The following ACADL variants were observed in gnomAD, a reference collection of about 807,000 sequenced individuals.
The protein encoded by ACADL is acyl-CoA dehydrogenase long chain.
A neutral mutation model predicts 56.9 loss-of-function variants in ACADL; 60 were observed. The observed-to-expected ratio is 1.05, with a 90% CI of 0.86 to 1.31. The LOEUF is 1.31. Ranked by LOEUF, ACADL falls within the 50% of genes most tolerant of loss-of-function variation. The pLI is 0.00. For missense variants in ACADL, 484 were observed against 525.5 expected, an observed-to-expected ratio of 0.92 and a Z score of 0.77; for synonymous variants, 158 against 179.7, an observed-to-expected ratio of 0.88 and a Z score of 0.97.
intron 5 of ACADL, among the ~76,000 whole-genome samples, chr2:210,208,592 T>C (rs1265317298): frequency 6.6e-6 from 1 of 152,170 alleles, no homozygotes; most frequent in East Asian, 1.9e-4. Flanking sequence ...TTGCAGATAT[T>C]GTATAGAGAA....
intron 2 of ACADL, among the ~76,000 whole-genome samples, chr2:210,219,059 T>C (rs1191191396): frequency 6.6e-6 from 1 of 152,180 alleles, no homozygotes; most frequent in Non-Finnish European, 1.5e-5. Flanking sequence ...TAGTGAGATA[T>C]GGGGTATTTG....
intron 9 of ACADL, among the ~76,000 whole-genome samples, chr2:210,193,476 C>T (rs1688667275): frequency 6.6e-6 from 1 of 151,914 alleles, no homozygotes; most frequent in African/African-American, 2.4e-5. Context: ...GATTATTATT[C>T]CTGAAGTGTA....
intron 3 of ACADL, chr2:210,216,750 T>C: frequency 2.2e-6 from 1 of 449,580 alleles, no homozygotes; most frequent in South Asian, 2.2e-5. Flanking sequence ...AGAGATAAAA[T>C]ATTTTAAAAT....
rs765485304 is a variant in ACADL at position 210,225,145 on chromosome 2, G to A, written c.77+42C>T. 1.2e-5 allele frequency: 18 copies of A among 1,527,540 alleles called. No individual in the cohort carries two copies. In the Admixed American group the frequency reaches 3.4e-4, roughly 28 times the overall value. 94.6% of individuals were successfully genotyped at this position (1,527,540 alleles called of 1,614,324 possible). Reference sequence around the variant, plus strand: ...GAGTGACTCGCTGCCCCACCCCACAGCCTCCCGGCCTGCAGCCGCGGAAGT... The same window carrying A: ...GAGTGACTCGCTGCCCCACCCCACAACCTCCCGGCCTGCAGCCGCGGAAGT... On this transcript the variant is annotated intron_variant, in intron 1 of 10. Transcript: ENST00000233710.
intron 3 of ACADL, 75 bp from the exon 4 acceptor site, chr2:210,216,586 A>C: frequency 7.3e-7 from 1 of 1,378,910 alleles, no homozygotes; most frequent in Non-Finnish European, 1.0e-6. Context: ...ACAATGTATT[A>C]AGGTCCTATC....
chr2:210,204,440 C>T, intron 7 of ACADL, 141 bp downstream of exon 7: 1 of 669,450 alleles, frequency 1.5e-6, no homozygotes, highest in South Asian at 1.7e-5. Flanking sequence ...TTTATTACAA[C>T]TTTAATACTC....
chr2:210,191,190 G>A (rs1688627887), intron 10 of ACADL, among the ~76,000 whole-genome samples: 1 of 152,176 alleles, frequency 6.6e-6, no homozygotes, highest in African/African-American at 2.4e-5. Context: ...TGGGATTACA[G>A]GAGTGAGCCA....
intron 1 of ACADL, 136 bp from the exon 2 acceptor site, chr2:210,220,938 A>AGGTACTTCTTAATTCCAGCTACATG: frequency 1.4e-6 from 1 of 722,192 alleles, no homozygotes; most frequent in Non-Finnish European, 2.2e-6. Context: ...AATTATGACA[A>AGGTACTTCTTAATTCCAGCTACATG]AGCTGGGTTC....
At chr2:210,206,558 A>G (rs368287583) in intron 5 of ACADL, among the ~76,000 whole-genome samples, 62 of 152,330 alleles carry the variant, frequency 4.1e-4, no homozygotes, top group African/African-American at 1.4e-3. Context: ...TGTAATTGAT[A>G]TCCTGCTTCC....
intron 8 of ACADL, among the ~76,000 whole-genome samples, chr2:210,198,418 A>C (rs934625148): frequency 1.1e-4 from 17 of 152,158 alleles, no homozygotes; most frequent in Non-Finnish European, 2.2e-4. Flanking sequence ...GTCAAGAAGA[A>C]GTATTATTTT....
At chr2:210,223,422 T>G (rs534613686) in intron 1 of ACADL, among the ~76,000 whole-genome samples, 1 of 152,294 alleles carries the variant, frequency 6.6e-6, no homozygotes, top group East Asian at 1.9e-4. Flanking sequence ...ACCTAGAAGC[T>G]GGTTATAAAT....
At chr2:210,198,977 T>TGACATGC (rs1166796432) in intron 8 of ACADL, among the ~76,000 whole-genome samples, 1 of 152,102 alleles carries the variant, frequency 6.6e-6, no homozygotes, top group Non-Finnish European at 1.5e-5. Context: ...ATAAATTTTG[T>TGACATGC]GACATGCATT....
chr2:210,212,581 T>G (rs1223496834), intron 4 of ACADL, among the ~76,000 whole-genome samples: 1 of 152,208 alleles, frequency 6.6e-6, no homozygotes, highest in Admixed American at 6.5e-5. Context: ...TTTCTGTGTC[T>G]CAAGCCACCA....
At chr2:210,214,038 T>TAAAAA (rs1353304959) in intron 4 of ACADL, among the ~76,000 whole-genome samples, 1 of 151,304 alleles carries the variant, frequency 6.6e-6, no homozygotes, top group African/African-American at 2.4e-5. Flanking sequence ...AATAATAAAA[T>TAAAAA]AAACATGAAA....
chr2:210,205,014 G>T (rs903413270), intron 6 of ACADL, among the ~76,000 whole-genome samples: 2 of 151,622 alleles, frequency 1.3e-5, no homozygotes, highest in Non-Finnish European at 2.9e-5. Flanking sequence ...CATTTTCTGG[G>T]TTTTTTTTGT....
At chr2:210,216,257 C>T (rs1689083789) in intron 4 of ACADL, 90 bp downstream of exon 4, 2 of 1,405,788 alleles carry the variant, frequency 1.4e-6, no homozygotes, top group Non-Finnish European at 1.0e-6. Context: ...TTCCTCCTAG[C>T]ATATAGCTCA....
intron 10 of ACADL, among the ~76,000 whole-genome samples, chr2:210,190,346 A>C (rs1688611803): frequency 6.6e-6 from 1 of 152,188 alleles, no homozygotes; most frequent in Non-Finnish European, 1.5e-5. Flanking sequence ...CATTTTGAGC[A>C]CTTACCTACT....
chr2:210,194,889 A>G (rs1210361726), intron 9 of ACADL, among the ~76,000 whole-genome samples: 1 of 152,192 alleles, frequency 6.6e-6, no homozygotes, highest in African/African-American at 2.4e-5. Flanking sequence ...TATTACTTGA[A>G]TGAATGAATC....
chr2:210,194,492 C>T (rs970620912), intron 9 of ACADL, among the ~76,000 whole-genome samples: 1 of 152,160 alleles, frequency 6.6e-6, no homozygotes, highest in African/African-American at 2.4e-5. Context: ...ATTCTAAAAT[C>T]TTAAAATATA....
Sources: gnomAD v4.1 joint callset for allele counts (sites outside exome capture counted in the v4.1 genomes callset) on GRCh38, gnomAD v4.1.1 for gene constraint, MANE v1.5 for transcripts, NCBI Gene and HGNC (gene_info 2026-07-23, HGNC 2026-07-21) for gene names.